Variants in PCDHA10 observed in about 807,000 individuals in gnomAD.
PCDHA10 encodes protocadherin alpha 10.
In PCDHA10, 45 loss-of-function variants were observed where a neutral mutation model predicts 61.2. The ratio of observed to expected loss-of-function variants is 0.74; its 90% CI spans 0.58 to 0.94. PCDHA10 has a LOEUF of 0.94. Among genes scored for constraint, PCDHA10 ranks in the 40% least tolerant of loss-of-function variants. The probability of loss-of-function intolerance (pLI) is 0.00; values close to 1 mark genes in which losing one functional copy is unlikely to be tolerated. For missense variants in PCDHA10, 1,278 were observed against 1,236.2 expected (o/e 1.03, Z -0.51); for synonymous variants, 602 against 548.8 (o/e 1.10, Z -1.35).
rs116952410 is a variant in PCDHA10, at chr5:140,893,392, C to A, written c.2388+34956C>A. On this transcript the variant is annotated intron_variant, in intron 1 of 3. Coordinates refer to ENST00000307360, the MANE Select transcript of PCDHA10 (RefSeq NM_018901.4). ...AGCATTTATGGGACAGTGGCTCATG[C>A]CTGTAATCCCAGCACTTAGGGAGGC... 2.0e-5 allele frequency among the ~76,000 whole-genome samples: 3 copies of A among 152,230 alleles called. No individual in the cohort carries two copies. The East Asian group carries it at 5.8e-4, about 29-fold the overall frequency.
In PCDHA10 at chr5:140,883,374, T is replaced by G. The variant is rs1554177931; in HGVS notation, c.2388+24938T>G. The G allele has an allele frequency of 2.5e-6, 4 of 1,614,054 alleles. No individual in the cohort carries two copies. The African/African-American group carries it at 5.3e-5, about 22-fold the overall frequency. On this transcript the variant is annotated intron_variant, in intron 1 of 3. Transcript: ENST00000307360. ...GAAGACACTCAGCCTAGCGCCATTA[T>G]TGCCCTAATCAGTGTGTCCGATCGT...
At chr5:141,004,952 C>T (rs543938360) in intron 3 of PCDHA10, among the ~76,000 whole-genome samples, 52 of 152,346 alleles carry the variant, frequency 3.4e-4, no homozygotes, top group African/African-American at 1.2e-3. Context: ...TACCCTCTCT[C>T]GTCACTGCCT....
chr5:140,906,827 G>C (rs2153497509), intron 1 of PCDHA10, among the ~76,000 whole-genome samples: 1 of 152,308 alleles, frequency 6.6e-6, no homozygotes, highest in South Asian at 2.1e-4. Flanking sequence ...TGGAGTAGTA[G>C]ACTGATTTCA....
At chr5:140,927,899 A>G (rs1554205221) in intron 1 of PCDHA10, 2 of 1,614,194 alleles carry the variant, frequency 1.2e-6, no homozygotes, top group Admixed American at 1.7e-5. Context: ...GTGAACGATC[A>G]TGCCCCCGAA....
At chr5:140,882,920 G>C (rs2059362328) in intron 1 of PCDHA10, 1 of 1,614,090 alleles carries the variant, frequency 6.2e-7, no homozygotes. Flanking sequence ...CAGTGATGGA[G>C]GTAAACCCGA....
chr5:140,875,208 C>G (rs1297860404), intron 1 of PCDHA10: 2 of 668,428 alleles, frequency 3.0e-6, no homozygotes, highest in East Asian at 6.8e-5. Flanking sequence ...GTGGCTAAAC[C>G]GAAAAGAACC....
chr5:140,906,271 T>A (rs2072508162), intron 1 of PCDHA10, among the ~76,000 whole-genome samples: 1 of 152,180 alleles, frequency 6.6e-6, no homozygotes, highest in African/African-American at 2.4e-5. Flanking sequence ...AAATTATAGA[T>A]AATCTTCAAA....
intron 1 of PCDHA10, among the ~76,000 whole-genome samples, chr5:140,897,713 A>C (rs2066278692): frequency 1.3e-5 from 2 of 152,302 alleles, no homozygotes; most frequent in East Asian, 3.9e-4. Flanking sequence ...CAGTAATGGG[A>C]TGGCTGGGTC....
intron 1 of PCDHA10, chr5:140,870,180 A>G: frequency 1.2e-6 from 2 of 1,614,112 alleles, no homozygotes; most frequent in Non-Finnish European, 8.5e-7. Context: ...TCCCAGTACG[A>G]GAGGACGCTC....
chr5:140,969,024 C>T, intron 1 of PCDHA10: 1 of 1,614,198 alleles, frequency 6.2e-7, no homozygotes, highest in Non-Finnish European at 8.5e-7. Flanking sequence ...GAAAGGTCCC[C>T]TGCAGAACTG....
At chr5:140,871,649 G>T (rs781859029) in intron 1 of PCDHA10, 1 of 1,265,824 alleles carries the variant, frequency 7.9e-7, no homozygotes, top group Admixed American at 2.9e-5. Flanking sequence ...AATACCAAAT[G>T]ATACACATCT....
chr5:140,861,353 T>C lies in PCDHA10; in HGVS notation c.2388+2917T>C, dbSNP rs79040493. The C allele has an allele frequency of 1.3e-3, 424 of 327,094 alleles. 1 individual carries two copies. Among genetic ancestry groups the C allele is most frequent in the African/African-American group, 8.5e-3 (393 of 46,466 alleles). The allele number at this position is 327,094 out of a possible 1,614,324, so 20.3% of individuals were successfully genotyped here. On this transcript the variant is annotated intron_variant, in intron 1 of 3. Coordinates refer to ENST00000307360, the MANE Select transcript of PCDHA10 (RefSeq NM_018901.4). ...CCTGGAAGAGGCCAAGGACGGCACA[T>C]AGCGTCTTCGCGGTCCCTATTGCGC...
chr5:140,945,992 G>T (rs1271634546), intron 1 of PCDHA10, among the ~76,000 whole-genome samples: 1 of 151,978 alleles, frequency 6.6e-6, no homozygotes, highest in Non-Finnish European at 1.5e-5. Flanking sequence ...CTAATGGATT[G>T]CATCAAACTA....
Position 140,927,102 on chromosome 5 carries a change from A to G in PCDHA10, c.2389-51847A>G, listed in dbSNP as rs144696843. 1.4e-5 allele frequency: 23 copies of G among 1,613,520 alleles called. No individual in the cohort carries two copies. In the African/African-American group the frequency reaches 1.7e-4, roughly 12 times the overall value. ...GCGAGCTCTACTTCGGGGTGGATCTACCCAGCGGCAATTTGGTGGTCAGAG... is the reference window on the plus strand; with the variant it reads ...GCGAGCTCTACTTCGGGGTGGATCTGCCCAGCGGCAATTTGGTGGTCAGAG... On this transcript the variant is annotated intron_variant, in intron 1 of 3. Transcript: ENST00000307360.
chr5:140,906,438 G>T (rs1264031299), intron 1 of PCDHA10, among the ~76,000 whole-genome samples: 1 of 152,016 alleles, frequency 6.6e-6, no homozygotes, highest in Non-Finnish European at 1.5e-5. Context: ...TGATAAACAA[G>T]AAAGGAAATA....
At chr5:141,006,216 A>T (rs6897376) in intron 3 of PCDHA10, among the ~76,000 whole-genome samples, 45,154 of 145,800 alleles carry the variant, frequency 0.31, 6,982 homozygotes, top group East Asian at 0.44. Context: ...ATTTTTTTTT[A>T]AATTTTTTAT....
intron 1 of PCDHA10, among the ~76,000 whole-genome samples, chr5:140,904,934 G>A (rs1181903303): frequency 6.6e-6 from 1 of 152,110 alleles, no homozygotes; most frequent in Non-Finnish European, 1.5e-5. Context: ...GTAGGTTCTG[G>A]ATATTAGTCC....
rs1554150990 is a variant in PCDHA10, at chr5:140,857,991, T to A, written c.1943T>A (p.Val648Glu). 1 of 1,596,560 alleles carries A rather than the reference T, an allele frequency of 6.3e-7. No homozygotes were observed. ...ETDSPRQRLL[V>E]LVKDHGEPSL... Reference sequence around the variant, plus strand: ...GACTCGCCACGCCAGCGCCTACTGGTGCTGGTGAAGGACCATGGCGAGCCG... The same window carrying A: ...GACTCGCCACGCCAGCGCCTACTGGAGCTGGTGAAGGACCATGGCGAGCCG... The change falls in exon 1 of 4, where the codon GTG (valine) becomes GAG (glutamate). Residue 648 changes from valine to glutamate, a missense_variant. Transcript: ENST00000307360.
At chr5:140,883,538 G>A (rs782240531) in intron 1 of PCDHA10, 1 of 1,614,230 alleles carries the variant, frequency 6.2e-7, no homozygotes, top group Admixed American at 1.7e-5. Flanking sequence ...CTATGAACTG[G>A]TGGTGACCGC....
Sources: gnomAD v4.1 joint callset for allele counts (sites outside exome capture counted in the v4.1 genomes callset) on GRCh38, gnomAD v4.1.1 for gene constraint, MANE v1.5 for transcripts, NCBI Gene and HGNC (gene_info 2026-07-23, HGNC 2026-07-21) for gene names.